The following PKP4 variants were observed in gnomAD, a reference collection of about 807,000 sequenced individuals.
PKP4 encodes plakophilin 4.
PKP4 carries 90 observed loss-of-function variants against 145.1 expected under a neutral mutation model. The ratio of observed to expected loss-of-function variants is 0.62; its 90% CI spans 0.52 to 0.74. PKP4 has a LOEUF of 0.74. PKP4 is among the 30% of genes least tolerant of loss of function. The pLI, the probability that PKP4 is intolerant of heterozygous loss-of-function variation, is 0.00. For synonymous variants in PKP4, 563 were observed against 577.2 expected (o/e 0.98, Z 0.35); for missense variants, 1,340 against 1,482.7 (o/e 0.90, Z 1.58).
chr2:158,577,176 C>T (rs140079106), intron 2 of PKP4, 95 bp from the exon 3 acceptor site: 36 of 705,652 alleles, frequency 5.1e-5, no homozygotes, highest in African/African-American at 4.2e-4. Context: ...GTTATGGGTA[C>T]GTTCCTATGT....
At chr2:158,499,836 A>G (rs1696292879) in intron 1 of PKP4, among the ~76,000 whole-genome samples, 1 of 152,230 alleles carries the variant, frequency 6.6e-6, no homozygotes, top group Admixed American at 6.5e-5. Flanking sequence ...AAAATGAATG[A>G]TGTTGGGACA....
At position 158,673,851 on chromosome 2, in the gene PKP4, T is replaced by C. The variant is rs754344500; in HGVS notation, c.3010-32T>C. On this transcript the variant is annotated intron_variant, in intron 18 of 21. Coordinates refer to ENST00000389759, the MANE Select transcript of PKP4 (RefSeq NM_003628.6). ...TTGTAATGAAATGTCATTATTCATT[T>C]TGAGAGGTTTCTTTTTCTCTTAACT... 19 of 1,507,644 alleles carry C rather than the reference T, an allele frequency of 1.3e-5. No individual in the cohort carries two copies. In the South Asian group the frequency reaches 2.0e-4, roughly 16 times the overall value. The allele number at this position is 1,507,644 out of a possible 1,614,324, so 93.4% of individuals were successfully genotyped here. A position where few individuals can be genotyped will look rare whatever the true frequency, so the allele number is the denominator to read the frequency against.
intron 1 of PKP4, among the ~76,000 whole-genome samples, chr2:158,504,749 T>C (rs530118558): frequency 1.3e-5 from 2 of 151,988 alleles, no homozygotes; most frequent in South Asian, 2.1e-4. Context: ...TTTATATCCT[T>C]CTTGCAAATT....
intron 1 of PKP4, among the ~76,000 whole-genome samples, chr2:158,475,118 C>A (rs993300574): frequency 2.0e-5 from 3 of 152,052 alleles, no homozygotes; most frequent in African/African-American, 2.4e-5. Context: ...GTTTTTTGTT[C>A]TTGTTGTCAC....
At position 158,625,355 on chromosome 2, in the gene PKP4, A is replaced by G. The variant is rs879128886; in HGVS notation, c.1081A>G (p.Met361Val). The G allele has an allele frequency of 2.5e-6, 4 of 1,614,204 alleles. No homozygotes were observed. Among genetic ancestry groups the G allele is most frequent in the Non-Finnish European group, 3.4e-6 (4 of 1,180,036 alleles). Residue 361 changes from methionine to valine, a missense_variant, in exon 7 of 22, where the codon ATG becomes GTG. Coordinates refer to ENST00000389759, the MANE Select transcript of PKP4 (RefSeq NM_003628.6). ...GPSLQRTVHD[M>V]EQFGQQQYDI... Reference sequence around the variant, plus strand: ...TTCACTGCAAAGGACTGTTCATGACATGGAGCAATTCGGACAGCAGCAGTA... The same window carrying G: ...TTCACTGCAAAGGACTGTTCATGACGTGGAGCAATTCGGACAGCAGCAGTA...
At chr2:158,518,828 A>G (rs1175904886) in intron 1 of PKP4, among the ~76,000 whole-genome samples, 2 of 152,226 alleles carry the variant, frequency 1.3e-5, no homozygotes, top group Non-Finnish European at 1.5e-5. Context: ...AGCTATTGAT[A>G]AATCTATAAT....
At chr2:158,463,930 G>C (rs1207823138) in intron 1 of PKP4, among the ~76,000 whole-genome samples, 1 of 152,136 alleles carries the variant, frequency 6.6e-6, no homozygotes, top group African/African-American at 2.4e-5. Flanking sequence ...GAGGATCCCT[G>C]GGGCCCCTCG....
chr2:158,653,305 A>G (rs1486331090), intron 11 of PKP4, among the ~76,000 whole-genome samples: 2 of 152,234 alleles, frequency 1.3e-5, no homozygotes, highest in African/African-American at 4.8e-5. Context: ...ATTTTAATTA[A>G]TCAGTAAAAT....
At position 158,670,434 on chromosome 2, in the gene PKP4, A is replaced by C. The variant is rs1483266443; in HGVS notation, c.2924+519A>C. ...TACCCTCATGATCTAATCACCTCTC[A>C]AAGGCTCCACCTCCTAATACCATCA... On this transcript the variant is annotated intron_variant, in intron 17 of 21. Transcript: ENST00000389759. 4.6e-5 allele frequency among the ~76,000 whole-genome samples: 7 copies of C among 152,150 alleles called. No homozygotes were observed. In the East Asian group the frequency reaches 1.3e-3, roughly 29 times the overall value.
intron 1 of PKP4, among the ~76,000 whole-genome samples, chr2:158,484,295 C>T (rs1333770369): frequency 1.3e-5 from 2 of 152,162 alleles, no homozygotes; most frequent in African/African-American, 4.8e-5. Flanking sequence ...GATCCACCCA[C>T]CTCGGCCTCC....
At chr2:158,467,878 A>G (rs1177424370) in intron 1 of PKP4, among the ~76,000 whole-genome samples, 1 of 152,096 alleles carries the variant, frequency 6.6e-6, no homozygotes, top group Non-Finnish European at 1.5e-5. Flanking sequence ...AGAATATTAT[A>G]TAAATAGATT....
intron 1 of PKP4, among the ~76,000 whole-genome samples, chr2:158,480,261 G>A (rs1321637270): frequency 6.6e-6 from 1 of 152,166 alleles, no homozygotes; most frequent in African/African-American, 2.4e-5. Flanking sequence ...TATTGAGACA[G>A]AGTCTTACCT....
rs543955149 is a variant in PKP4, at chr2:158,556,071, T to C, written c.133-21200T>C. Among the ~76,000 whole-genome samples the C allele has an allele frequency of 2.6e-5, 4 of 152,316 alleles. No homozygotes were observed. In the East Asian group the frequency reaches 7.7e-4, roughly 29 times the overall value. On this transcript the variant is annotated intron_variant, in intron 2 of 21. Transcript: ENST00000389759. ...AGAGCCAAGATTCAATATTTACTAG[T>C]GATAAAGGGCAATGTCTTATTTATC...
At chr2:158,624,839 T>C in intron 6 of PKP4, 39 bp from the exon 7 acceptor site, 2 of 1,502,162 alleles carry the variant, frequency 1.3e-6, no homozygotes, top group Non-Finnish European at 1.8e-6. Context: ...CACAAAACCC[T>C]GGATAAACCC....
intron 1 of PKP4, among the ~76,000 whole-genome samples, chr2:158,513,776 T>C (rs2041716012): frequency 6.6e-6 from 1 of 152,180 alleles, no homozygotes; most frequent in Admixed American, 6.5e-5. Context: ...TCCATGTCTT[T>C]ATTTGCACTT....
Position 158,504,675 on chromosome 2 carries a change from TAA to T in PKP4, c.-5-28496_-5-28495del, listed in dbSNP as rs5835710. ...GGCCTTATGATCTTCTAAATATCCT[TAA>T]AAAAAAAACCAACTTTATTACCTAA... On this transcript the variant is annotated intron_variant, in intron 1 of 21. Transcript: ENST00000389759. Among the ~76,000 whole-genome samples the T allele has an allele frequency of 2.2e-3, 331 of 151,218 alleles. 1 individual carries two copies. Among genetic ancestry groups the T allele is most frequent in the Non-Finnish European group, 3.5e-3 (237 of 67,732 alleles).
chr2:158,545,867 A>G (rs1574408292), intron 2 of PKP4, among the ~76,000 whole-genome samples: 1 of 152,348 alleles, frequency 6.6e-6, no homozygotes, highest in Non-Finnish European at 1.5e-5. Flanking sequence ...TCTTGCATAT[A>G]GTTCCTCTCT....
chr2:158,545,073 CTTTTTTTTTTT>C (rs386391605), intron 2 of PKP4, among the ~76,000 whole-genome samples: 9 of 72,510 alleles, frequency 1.2e-4, no homozygotes, highest in African/African-American at 3.4e-4. Context: ...AAGTCTTTCA[CTTTTTTTTTTT>C]TTTTTTTTTT....
At chr2:158,521,074 T>C (rs2042332414) in intron 1 of PKP4, among the ~76,000 whole-genome samples, 2 of 152,244 alleles carry the variant, frequency 1.3e-5, no homozygotes, top group South Asian at 4.1e-4. Context: ...GATGCCTATG[T>C]ACAAGAGTGT....
Sources: allele counts gnomAD v4.1 joint callset (sites outside exome capture counted in the v4.1 genomes callset), GRCh38; gene constraint gnomAD v4.1.1; transcripts MANE v1.5; gene names NCBI Gene and HGNC (gene_info 2026-07-23, HGNC 2026-07-21).